The following KIAA1217 variants were observed in gnomAD, a reference collection of about 807,000 sequenced individuals.
The protein encoded by KIAA1217 is sickle tail protein homolog.
A neutral mutation model predicts 163.9 loss-of-function variants in KIAA1217; 88 were observed. The ratio of observed to expected loss-of-function variants is 0.54; its 90% confidence interval spans 0.45 to 0.64. The LOEUF is 0.64. KIAA1217 is among the 30% of genes least tolerant of loss of function. The pLI is 0.00. For missense variants in KIAA1217, 2,372 were observed against 2,475.0 expected (o/e 0.96, Z 0.88); for synonymous variants, 903 against 923.1 (o/e 0.98, Z 0.39).
intron 1 of KIAA1217, among the ~76,000 whole-genome samples, chr10:23,985,959 C>A (rs971062123): frequency 6.6e-6 from 1 of 152,152 alleles, no homozygotes; most frequent in Non-Finnish European, 1.5e-5. Context: ...CTGCCTTGTG[C>A]GTCCCATGGC....
chr10:24,257,339 G>C (rs549019808), intron 2 of KIAA1217, among the ~76,000 whole-genome samples: 4 of 152,294 alleles, frequency 2.6e-5, no homozygotes, highest in South Asian at 2.1e-4. Flanking sequence ...GGAACGGCGT[G>C]GGGGGTGGAG....
At chr10:23,737,965 A>G (rs1466729724) in intron 1 of KIAA1217, among the ~76,000 whole-genome samples, 1 of 152,062 alleles carries the variant, frequency 6.6e-6, no homozygotes, top group African/African-American at 2.4e-5. Flanking sequence ...ATTTTTTTAT[A>G]ATATTCATTT....
At chr10:24,440,657 C>A (rs2060423438) in intron 5 of KIAA1217, among the ~76,000 whole-genome samples, 1 of 152,162 alleles carries the variant, frequency 6.6e-6, no homozygotes, top group Admixed American at 6.5e-5. Context: ...CAAGATGAAA[C>A]CCTGCTGATC....
At chr10:24,209,767 G>C (rs561103076) in intron 1 of KIAA1217, among the ~76,000 whole-genome samples, 1 of 152,326 alleles carries the variant, frequency 6.6e-6, no homozygotes, top group South Asian at 2.1e-4. Flanking sequence ...CCGAGCAGCA[G>C]GGGAGGGCTT....
intron 1 of KIAA1217, among the ~76,000 whole-genome samples, chr10:23,802,120 G>C (rs1242403669): frequency 1.3e-4 from 20 of 152,106 alleles, no homozygotes; most frequent in Non-Finnish European, 5.9e-5. Context: ...GCAGAATATG[G>C]GGTATAGATG....
At chr10:24,068,144 A>G (rs1042019936) in intron 2 of KIAA1217, among the ~76,000 whole-genome samples, 4 of 152,128 alleles carry the variant, frequency 2.6e-5, no homozygotes, top group South Asian at 2.1e-4. Flanking sequence ...CACTGCACCC[A>G]CTGTCCTGCA....
chr10:24,417,537 C>T (rs149340935), intron 3 of KIAA1217, among the ~76,000 whole-genome samples: 2 of 152,248 alleles, frequency 1.3e-5, no homozygotes, highest in East Asian at 3.9e-4. Context: ...CCCTGAGCTG[C>T]TAGAAAGGGG....
chr10:24,545,255 C>G (rs2075604363), intron 20 of KIAA1217, 152 bp downstream of exon 20: 2 of 1,427,328 alleles, frequency 1.4e-6, no homozygotes, highest in African/African-American at 1.4e-5. Context: ...CTAAATAAAC[C>G]TTTGTTACAC....
intron 1 of KIAA1217, among the ~76,000 whole-genome samples, chr10:23,998,313 A>T (rs1846590462): frequency 6.6e-6 from 1 of 152,208 alleles, no homozygotes; most frequent in Admixed American, 6.5e-5. Context: ...ATAAAAATCA[A>T]ACCTCAATGC....
chr10:24,016,402 T>G (rs1847480168), intron 2 of KIAA1217, among the ~76,000 whole-genome samples: 1 of 152,128 alleles, frequency 6.6e-6, no homozygotes, highest in South Asian at 2.1e-4. Context: ...GAGATTATAT[T>G]CAAACACCTT....
intron 1 of KIAA1217, among the ~76,000 whole-genome samples, chr10:23,855,821 G>A (rs527604471): frequency 6.6e-5 from 10 of 152,252 alleles, no homozygotes; most frequent in Non-Finnish European, 1.5e-4. Flanking sequence ...TGAGGCTTCT[G>A]CATTCTTCAT....
At chr10:24,316,850 C>A (rs2043442885) in intron 2 of KIAA1217, among the ~76,000 whole-genome samples, 1 of 152,156 alleles carries the variant, frequency 6.6e-6, no homozygotes, top group Non-Finnish European at 1.5e-5. Context: ...ATTCTGTGGT[C>A]TTCTATGGAG....
At chr10:24,521,648 C>T in intron 11 of KIAA1217, 134 bp from the exon 12 acceptor site, 1 of 1,058,208 alleles carries the variant, frequency 9.4e-7, no homozygotes, top group Non-Finnish European at 1.4e-6. Flanking sequence ...TCTTAACCCA[C>T]TGCCACCTGA....
chr10:24,192,607 C>T (rs1453412037), intron 2 of KIAA1217, among the ~76,000 whole-genome samples: 2 of 152,138 alleles, frequency 1.3e-5, no homozygotes, highest in Admixed American at 1.3e-4. Context: ...CCTGAGATGG[C>T]CCTCCAACCT....
intron 1 of KIAA1217, among the ~76,000 whole-genome samples, chr10:23,865,902 T>C (rs879732445): frequency 2.0e-5 from 3 of 152,188 alleles, no homozygotes; most frequent in Admixed American, 6.5e-5. Context: ...GATATTCAAA[T>C]CTTTGTCTGG....
chr10:24,156,218 A>T (rs1480606715), intron 2 of KIAA1217, among the ~76,000 whole-genome samples: 1 of 152,218 alleles, frequency 6.6e-6, no homozygotes, highest in Non-Finnish European at 1.5e-5. Flanking sequence ...AAATGGTATC[A>T]TACATACTCC....
intron 1 of KIAA1217, among the ~76,000 whole-genome samples, chr10:23,859,099 T>G (rs949266723): frequency 6.6e-6 from 1 of 152,226 alleles, no homozygotes; most frequent in Non-Finnish European, 1.5e-5. Flanking sequence ...CCACATGTAA[T>G]GTGTGTGTGA....
intron 1 of KIAA1217, among the ~76,000 whole-genome samples, chr10:23,856,171 A>G (rs1839649359): frequency 6.6e-6 from 1 of 151,984 alleles, no homozygotes; most frequent in Non-Finnish European, 1.5e-5. Flanking sequence ...GATGATGGTG[A>G]TGTACAGATG....
chr10:24,293,483 C>T (rs1347720133), intron 2 of KIAA1217, among the ~76,000 whole-genome samples: 1 of 152,238 alleles, frequency 6.6e-6, no homozygotes, highest in African/African-American at 2.4e-5. Context: ...TGGCATTTAG[C>T]ATCTTTACAC....
Sources: allele counts gnomAD v4.1 joint callset (sites outside exome capture counted in the v4.1 genomes callset), GRCh38; gene constraint gnomAD v4.1.1; transcripts MANE v1.5; gene names NCBI Gene and HGNC (gene_info 2026-07-23, HGNC 2026-07-21).